The following LIMS1 variants were observed in gnomAD, a reference collection of about 807,000 sequenced individuals.
LIMS1 encodes LIM zinc finger domain containing 1.
A neutral mutation model predicts 44.1 loss-of-function variants in LIMS1; 18 were observed. The ratio of observed to expected loss-of-function variants is 0.41; its 90% CI spans 0.28 to 0.61. The LOEUF (loss-of-function observed/expected upper bound fraction) is 0.61. LIMS1 is among the 20% of genes least tolerant of loss of function. The pLI is 0.32. For synonymous variants in LIMS1, 93 were observed against 149.1 expected (o/e 0.62, Z 2.74); for missense variants, 201 against 422.0 (o/e 0.48, Z 4.59).
At chr2:108,686,297 CA>C (rs1693299018) in exon 10 of LIMS1, 1 of 151,720 alleles carries the variant, frequency 6.6e-6, no homozygotes, top group African/African-American at 2.4e-5. Context: ...CCAGCCTGGG[CA>C]ACAGAGCAAG....
chr2:108,579,605 C>G (rs1685810326), intron 1 of LIMS1, among the ~76,000 whole-genome samples: 1 of 152,150 alleles, frequency 6.6e-6, no homozygotes, highest in Non-Finnish European at 1.5e-5. Flanking sequence ...CAGAGAAATA[C>G]ATTTATTTTT....
chr2:108,552,108 A>C (rs969357893), intron 1 of LIMS1, among the ~76,000 whole-genome samples: 3 of 146,152 alleles, frequency 2.1e-5, no homozygotes, highest in South Asian at 4.2e-4. Flanking sequence ...TGAGAGAGTT[A>C]ACTATATATT....
chr2:108,662,414 GA>G, intron 2 of LIMS1: 1 of 1,516,850 alleles, frequency 6.6e-7, no homozygotes, highest in Non-Finnish European at 9.0e-7. Flanking sequence ...CCTCACACTG[GA>G]CTATAAATAC....
At chr2:108,676,066 A>C (rs771672558) in intron 6 of LIMS1, 38 bp downstream of exon 6, 2 of 1,577,728 alleles carry the variant, frequency 1.3e-6, no homozygotes, top group Non-Finnish European at 1.7e-6. Context: ...AATCCTTTCA[A>C]ATCTCCATGA....
At chr2:108,621,225 T>C (rs1275970770) in intron 1 of LIMS1, 1 of 1,456,032 alleles carries the variant, frequency 6.9e-7, no homozygotes, top group African/African-American at 1.4e-5. Context: ...CAGCTTGGTC[T>C]GCCTGGAGGT....
intron 1 of LIMS1, among the ~76,000 whole-genome samples, chr2:108,551,489 GCGCACACACACA>G (rs1404568688): frequency 1.1e-4 from 12 of 111,970 alleles, no homozygotes; most frequent in East Asian, 4.5e-4. Context: ...ATGCGCGCGC[GCGCACACACACA>G]CACACACACA....
At chr2:108,657,575 A>G (rs1478025934) in intron 1 of LIMS1, among the ~76,000 whole-genome samples, 22 of 152,382 alleles carry the variant, frequency 1.4e-4, no homozygotes, top group African/African-American at 4.8e-4. Flanking sequence ...TAAAACTGCC[A>G]CAATCATCTG....
intron 1 of LIMS1, among the ~76,000 whole-genome samples, chr2:108,631,234 C>T (rs896894064): frequency 6.6e-6 from 1 of 152,138 alleles, no homozygotes; most frequent in Admixed American, 6.6e-5. Context: ...CCTTCCCTTC[C>T]TAGTTTTGAG....
Position 108,647,166 on chromosome 2 carries a change from A to G in LIMS1, c.33-12439A>G, listed in dbSNP as rs149310951. ...TGATCCCACAAAAATACAAACTACCATCAGCGAATACTGTAAACACCTCTG... is the reference window on the plus strand; with the variant it reads ...TGATCCCACAAAAATACAAACTACCGTCAGCGAATACTGTAAACACCTCTG... On this transcript the variant is annotated intron_variant, in intron 1 of 9. Transcript: ENST00000544547. Among the ~76,000 whole-genome samples the G allele has an allele frequency of 4.4e-4, 67 of 152,368 alleles. No homozygotes were observed. The East Asian group carries it at 9.8e-3, about 22-fold the overall frequency.
chr2:108,685,524 G>T (rs1178179928), exon 10 of LIMS1: 1 of 152,112 alleles, frequency 6.6e-6, no homozygotes, highest in East Asian at 1.9e-4. Flanking sequence ...TTGTATGCCT[G>T]CATTTTTAAA....
chr2:108,558,739 C>T (rs952946725), intron 1 of LIMS1, among the ~76,000 whole-genome samples: 5 of 149,632 alleles, frequency 3.3e-5, no homozygotes, highest in Admixed American at 2.7e-4. Flanking sequence ...GGTGCGATCT[C>T]GGCTCACTGC....
At chr2:108,618,459 T>G (rs1688047832) in intron 1 of LIMS1, among the ~76,000 whole-genome samples, 1 of 152,142 alleles carries the variant, frequency 6.6e-6, no homozygotes, top group Admixed American at 6.5e-5. Flanking sequence ...TTCCCTGTGC[T>G]GATGTGCTGC....
chr2:108,590,521 A>ACT (rs1686329122), intron 1 of LIMS1, among the ~76,000 whole-genome samples: 2 of 152,350 alleles, frequency 1.3e-5, no homozygotes, highest in South Asian at 4.1e-4. Context: ...TACAAAAATA[A>ACT]CTAAACATCA....
intron 1 of LIMS1, among the ~76,000 whole-genome samples, chr2:108,591,248 G>T (rs561826664): frequency 2.0e-5 from 3 of 152,224 alleles, no homozygotes; most frequent in African/African-American, 4.8e-5. Flanking sequence ...TAGGTTCTGG[G>T]GACACAAAGG....
chr2:108,536,405 T>C (rs1684143732), intron 1 of LIMS1, among the ~76,000 whole-genome samples: 1 of 152,252 alleles, frequency 6.6e-6, no homozygotes, highest in Non-Finnish European at 1.5e-5. Context: ...TCATATCTCA[T>C]GTAAGTGGAA....
At chr2:108,671,001 T>C in intron 3 of LIMS1, 154 bp downstream of exon 3, 2 of 1,081,900 alleles carry the variant, frequency 1.8e-6, no homozygotes. Flanking sequence ...GGAAACCCCG[T>C]CTCTACTAAA....
chr2:108,598,492 TGA>T (rs1558802989), intron 1 of LIMS1, among the ~76,000 whole-genome samples: 2 of 151,798 alleles, frequency 1.3e-5, no homozygotes, highest in Non-Finnish European at 2.9e-5. Flanking sequence ...TTTGCAGATA[TGA>T]GGCCAGTGAG....
rs752484687 is a variant in LIMS1, at chr2:108,672,906, G to A, written c.407G>A (p.Arg136His). 1.7e-5 allele frequency: 15 copies of A among 900,608 alleles called. No homozygotes were observed. The highest frequency in any genetic ancestry group is 3.0e-5 in the Admixed American group (1 of 32,900). The allele number at this position is 900,608 out of a possible 1,614,324, so 55.8% of individuals were successfully genotyped here. ...CACCTGTGTCGCCCCTGTCATAATC[G>A]TGAGAAAGCCAGAGGCCTTGGGAAA... The change falls in exon 5 of 10, where the codon CGT becomes CAT. Residue 136 changes from arginine to histidine, a missense_variant. Physicochemically the swap from Arg to His is conservative, Grantham distance 29. Transcript: ENST00000544547.
intron 1 of LIMS1, among the ~76,000 whole-genome samples, chr2:108,645,582 CAACT>C (rs1690004600): frequency 6.6e-6 from 1 of 152,142 alleles, no homozygotes; most frequent in African/African-American, 2.4e-5. Context: ...GAAACTGCAT[CAACT>C]AACGGGCCAA....
Sources: allele counts gnomAD v4.1 joint callset (sites outside exome capture counted in the v4.1 genomes callset), GRCh38; gene constraint gnomAD v4.1.1; transcripts MANE v1.5; gene names NCBI Gene and HGNC (gene_info 2026-07-23, HGNC 2026-07-21).